Variants in SUPT20H observed in about 807,000 individuals in gnomAD.
SUPT20H encodes the protein SPT20 homolog, SAGA complex component, also known as transcription factor SPT20 homolog.
SUPT20H carries 82 observed loss-of-function variants against 122.8 expected under a neutral mutation model. The ratio of observed to expected loss-of-function variants is 0.67; its 90% CI spans 0.56 to 0.80. The LOEUF (loss-of-function observed/expected upper bound fraction) is 0.80, where lower values mean the gene tolerates loss of function less well. Ranked by LOEUF, SUPT20H falls within the 30% of genes least tolerant of loss-of-function variation. The pLI is 0.00. For synonymous variants in SUPT20H, 291 were observed against 313.0 expected (o/e 0.93, Z 0.74); for missense variants, 831 against 921.6 (o/e 0.90, Z 1.27).
At chr13:37,024,277 A>G (rs2061834866) in intron 18 of SUPT20H, 63 bp downstream of exon 18, 1 of 1,525,576 alleles carries the variant, frequency 6.6e-7, no homozygotes, top group African/African-American at 1.4e-5. Flanking sequence ...AAAGTTTTAA[A>G]AAGAGATTAT....
intron 21 of SUPT20H, among the ~76,000 whole-genome samples, chr13:37,021,156 G>T (rs952948765): frequency 6.6e-6 from 1 of 152,114 alleles, no homozygotes; most frequent in Non-Finnish European, 1.5e-5. Flanking sequence ...ATTTTCCCTG[G>T]AATATAACTA....
intron 23 of SUPT20H, among the ~76,000 whole-genome samples, chr13:37,015,228 T>C (rs964114732): frequency 4.8e-5 from 7 of 147,096 alleles, no homozygotes; most frequent in African/African-American, 1.8e-4. Flanking sequence ...AGACAACAAA[T>C]GGGAGAAAAT....
In SUPT20H at chr13:37,044,143, A is replaced by G. The variant is rs756751829; in HGVS notation, c.331T>C (p.Leu111=). The change falls in exon 7 of 26, where the codon TTG becomes CTG. Residue 111 remains leucine, a synonymous_variant. Transcript: ENST00000350612. ...TCTTCTGCATCCAAATATTCAAGCA[A>G]CTCTCCTTCTTCATAGGGCAGTCGA... ...TIRLPYEEGE[L]LEYLDAEELP... is the part of the protein sequence containing the mutation. The G allele has an allele frequency of 1.2e-6, 2 of 1,612,628 alleles. No individual in the cohort carries two copies. Among genetic ancestry groups the G allele is most frequent in the Non-Finnish European group, 1.7e-6 (2 of 1,179,370 alleles).
chr13:37,012,227 G>A lies in SUPT20H; in HGVS notation c.2063C>T (p.Thr688Ile), dbSNP rs1452451852. The part of the protein sequence containing the change: ...SAQQAAVINL[T>I]GVGSFMQSQA... ...TGACTGCATAAAACTTCCTACTCCAGTAAGGTTAATAACAGCAGCTTGCTG... is the reference window on the plus strand; with the variant it reads ...TGACTGCATAAAACTTCCTACTCCAATAAGGTTAATAACAGCAGCTTGCTG... The change falls in exon 24 of 26, where the codon ACT becomes ATT. Residue 688 changes from threonine (T) to isoleucine (I), a missense_variant. Coordinates refer to ENST00000350612, the MANE Select transcript of SUPT20H (RefSeq NM_001014286.3). 2 of 1,613,272 alleles carry A rather than the reference G, an allele frequency of 1.2e-6. No homozygotes were observed. The highest frequency in any genetic ancestry group is 3.3e-5 in the Admixed American group (2 of 59,994).
chr13:37,017,593 T>C (rs1039078676), intron 22 of SUPT20H, among the ~76,000 whole-genome samples: 1 of 152,224 alleles, frequency 6.6e-6, no homozygotes, highest in African/African-American at 2.4e-5. Context: ...CTCTTAAACA[T>C]AAATTTTTCT....
chr13:37,009,650 G>C lies in SUPT20H; in HGVS notation c.*22C>G. The C allele has an allele frequency of 6.2e-7, 1 of 1,612,040 alleles. No individual in the cohort carries two copies. The highest frequency in any genetic ancestry group is 1.1e-5 in the South Asian group (1 of 90,556). On this transcript the variant is annotated 3_prime_UTR_variant, in exon 26 of 26. Transcript: ENST00000350612. ...TCAGTGCTCTTGTGTTTTTAAAAAA[G>C]GAACAAAAAGTAATGCAAGACTCAA...
intron 10 of SUPT20H, among the ~76,000 whole-genome samples, chr13:37,032,652 T>C (rs1341931834): frequency 6.6e-6 from 1 of 152,126 alleles, no homozygotes; most frequent in Non-Finnish European, 1.5e-5. Context: ...CAAGGGGACC[T>C]AGTCACTGGG....
chr13:37,053,521 T>TG (rs1198284238), intron 1 of SUPT20H, among the ~76,000 whole-genome samples: 4 of 130,976 alleles, frequency 3.1e-5, no homozygotes, highest in African/African-American at 1.1e-4. Context: ...TGGGGCCTGT[T>TG]GGGGGGTTGG....
At chr13:37,033,645 C>A in intron 9 of SUPT20H, 57 bp from the exon 10 acceptor site, 1 of 1,545,930 alleles carries the variant, frequency 6.5e-7, no homozygotes, top group South Asian at 1.2e-5. Context: ...AATATGTAAT[C>A]ATATATTGCA....
Position 37,033,603 on chromosome 13 carries a change from A to G in SUPT20H, c.568-15T>C, listed in dbSNP as rs1185326173. 1.9e-6 allele frequency: 3 copies of G among 1,610,492 alleles called. No homozygotes were observed. Among genetic ancestry groups the G allele is most frequent in the Non-Finnish European group, 2.5e-6 (3 of 1,178,612 alleles). On this transcript the variant is annotated splice_polypyrimidine_tract_variant and intron_variant, in intron 9 of 25. Coordinates refer to ENST00000350612, the MANE Select transcript of SUPT20H (RefSeq NM_001014286.3). ...AGTTTGTCTTCCTGAAATGTGTAAG[A>G]GCATATGTCAATACCAGATTTAAGA...
intron 19 of SUPT20H, chr13:37,023,766 TA>T: frequency 7.1e-6 from 2 of 282,590 alleles, no homozygotes; most frequent in South Asian, 1.6e-4. Flanking sequence ...ACTACCAGGT[TA>T]TTTTTTTAAG....
chr13:37,022,080 C>G lies in SUPT20H; in HGVS notation c.1592G>C (p.Arg531Thr). 1 of 1,613,894 alleles carries G rather than the reference C, an allele frequency of 6.2e-7. No individual in the cohort carries two copies. Among genetic ancestry groups the G allele is most frequent in the Non-Finnish European group, 8.5e-7 (1 of 1,179,902 alleles). ...TGCCATGACCTGGGTGGCCGTGGTT[C>G]CTGGAGTTATAGATGTTACCATGGT... is the stretch of plus-strand genomic sequence containing the variant. ...AALSPASSSQRTTATQVMANS... is the reference protein window; with the variant it reads ...AALSPASSSQTTTATQVMANS... Residue 531 changes from arginine (R) to threonine (T), a missense_variant and splice_region_variant, in exon 20 of 26, where the codon AGA becomes ACA. Transcript: ENST00000350612. The surrounding 1 kb of genome is among the most constrained non-coding windows in gnomAD (Gnocchi z 4.5).
At chr13:37,038,609 G>A (rs921552853) in intron 9 of SUPT20H, 1 of 152,174 alleles carries the variant, frequency 6.6e-6, no homozygotes, top group African/African-American at 2.4e-5. Flanking sequence ...TACCATTACT[G>A]ATATTTTCTT....
intron 7 of SUPT20H, 44 bp downstream of exon 7, chr13:37,044,034 C>A: frequency 8.3e-7 from 1 of 1,206,714 alleles, no homozygotes; most frequent in South Asian, 1.3e-5. Context: ...ATATCATATA[C>A]ATATAACAAA....
intron 1 of SUPT20H, among the ~76,000 whole-genome samples, chr13:37,053,030 T>C (rs1374571856): frequency 6.6e-6 from 1 of 152,144 alleles, no homozygotes; most frequent in East Asian, 1.9e-4. Flanking sequence ...CAGATGTTGG[T>C]GAGGCTGCAG....
At chr13:37,049,819 T>C (rs559160549) in intron 2 of SUPT20H, among the ~76,000 whole-genome samples, 61 of 152,336 alleles carry the variant, frequency 4.0e-4, no homozygotes, top group African/African-American at 1.3e-3. Context: ...TTCTGTTTTA[T>C]AGTCTTTTTC....
At chr13:37,036,010 G>C (rs2064309765) in intron 9 of SUPT20H, among the ~76,000 whole-genome samples, 1 of 152,118 alleles carries the variant, frequency 6.6e-6, no homozygotes, top group Non-Finnish European at 1.5e-5. Flanking sequence ...ATGCTATAGA[G>C]AACTCTTTCA....
At chr13:37,012,425 A>C in intron 23 of SUPT20H, 128 bp from the exon 24 acceptor site, 1 of 598,340 alleles carries the variant, frequency 1.7e-6, no homozygotes, top group Non-Finnish European at 2.9e-6. Flanking sequence ...AAGAATAACA[A>C]GGAAAATACT....
intron 23 of SUPT20H, chr13:37,012,911 C>G (rs1215324862): frequency 6.6e-6 from 1 of 151,944 alleles, no homozygotes; most frequent in Non-Finnish European, 1.5e-5. Context: ...AGGTATTAAT[C>G]TTAAGTCTAA....
Sources: allele counts gnomAD v4.1 joint callset (sites outside exome capture counted in the v4.1 genomes callset), GRCh38; gene constraint gnomAD v4.1.1; non-coding constraint Gnocchi (gnomAD v3.1); transcripts MANE v1.5; gene names NCBI Gene and HGNC (gene_info 2026-07-23, HGNC 2026-07-21).